SLC30A1: variants seen among roughly 807,000 people sequenced by gnomAD.
The protein encoded by SLC30A1 is proton-coupled zinc antiporter SLC30A1.
SLC30A1 carries 7 observed loss-of-function variants against 29.8 expected under a neutral mutation model. That is an observed-to-expected ratio of 0.23 (90% CI 0.13 to 0.44). The LOEUF is 0.44. Among genes scored for constraint, SLC30A1 ranks in the 20% least tolerant of loss-of-function variants. SLC30A1 has a pLI of 1.00. For missense variants in SLC30A1, 446 were observed against 647.9 expected, an observed-to-expected ratio of 0.69 and a Z score of 3.38; for synonymous variants, 254 against 253.5, an observed-to-expected ratio of 1.00 and a Z score of -0.02.
At position 211,577,879 on chromosome 1, in the gene SLC30A1, G is replaced by T; in HGVS notation, c.622+112C>A. ...GGGAGGGAGCAGGCAGGGGCGGCGC[G>T]GCGCAGGCCCGCTCGGGCAGCAGGG... On this transcript the variant is annotated intron_variant, in intron 1 of 1. Coordinates refer to ENST00000367001, the MANE Select transcript of SLC30A1 (RefSeq NM_021194.3). This position sits in a 1 kb window ranked among gnomAD's most constrained non-coding sequence, Gnocchi z 4.5. 5 of 1,400,636 alleles carry T rather than the reference G, an allele frequency of 3.6e-6. No homozygotes were observed. Among genetic ancestry groups the T allele is most frequent in the South Asian group, 1.4e-5 (1 of 71,614 alleles). 86.8% of individuals were successfully genotyped at this position (1,400,636 alleles called of 1,614,324 possible). A position where few individuals can be genotyped will look rare whatever the true frequency, so the allele number is the denominator to read the frequency against.
In SLC30A1 at chr1:211,578,167, G is replaced by C. The variant is rs115000786; in HGVS notation, c.446C>G (p.Ser149Trp). The change falls in exon 1 of 2, where the codon TCG becomes TGG. Residue 149 changes from serine (S) to tryptophan (W), a missense_variant. By Grantham distance (177) the Ser-to-Trp change is radical (BLOSUM62 -3). Around this residue, in one of 5 missense-constraint regions of SLC30A1, gnomAD observed 159 missense variants for 161.1 expected, o/e 0.99. Coordinates refer to ENST00000367001, the MANE Select transcript of SLC30A1 (RefSeq NM_021194.3). ...GFSQDSGHGH[S>W]HGGHGHGHGL... ...GTGGCCGTGGCCGTGACCCCCGTGC[G>C]AGTGGCCGTGGCCGGAGTCCTGGCT... The C allele has an allele frequency of 6.2e-7, 1 of 1,608,358 alleles. No individual in the cohort carries two copies. Among genetic ancestry groups the C allele is most frequent in the African/African-American group, 1.3e-5 (1 of 74,958 alleles).
chr1:211,578,791 C>G lies in SLC30A1; in HGVS notation c.-179G>C, dbSNP rs2102407182. The stretch of plus-strand genomic sequence containing the variant: ...AAGCCCGGGTCAAGCCGCCGAGCCC[C>G]GCGCCTGTGGGCGTTCTCCGCCAGC... On this transcript the variant is annotated 5_prime_UTR_variant, in exon 1 of 2. Coordinates refer to ENST00000367001, the MANE Select transcript of SLC30A1 (RefSeq NM_021194.3). 2.2e-6 allele frequency: 1 copy of G among 459,004 alleles called. No homozygotes were observed. Among genetic ancestry groups the G allele is most frequent in the East Asian group, 3.9e-5 (1 of 25,712 alleles). 28.4% of individuals were successfully genotyped at this position (459,004 alleles called of 1,614,324 possible). A position where few individuals can be genotyped will look rare whatever the true frequency, so the allele number is the denominator to read the frequency against.
Position 211,576,006 on chromosome 1 carries a change from A to G in SLC30A1, c.906T>C (p.His302=). Residue 302 remains histidine, a synonymous_variant, in exon 2 of 2, where the codon CAT becomes CAC. Transcript: ENST00000367001. ...AAGGACCAGCCTCATAAACTGATGC[A>G]TGAGTACTATTAATTATTTCTACAA... is the stretch of plus-strand genomic sequence containing the variant. ...KAFVEIINST[H]ASVYEAGPCW... is the part of the protein sequence containing the mutation. 1 of 1,613,710 alleles carries G rather than the reference A, an allele frequency of 6.2e-7. No homozygotes were observed. The highest frequency in any genetic ancestry group is 8.5e-7 in the Non-Finnish European group (1 of 1,179,880).
At position 211,576,080 on chromosome 1, in the gene SLC30A1, C is replaced by G. The variant is rs779393034; in HGVS notation, c.832G>C (p.Glu278Gln). 3.1e-6 allele frequency: 5 copies of G among 1,613,128 alleles called. No individual in the cohort carries two copies. Among genetic ancestry groups the G allele is most frequent in the Admixed American group, 3.3e-5 (2 of 59,860 alleles). Residue 278 changes from glutamate to glutamine, a missense_variant, in exon 2 of 2, where the codon GAA (glutamate) becomes CAA (glutamine). By Grantham distance (29) the Glu-to-Gln change is conservative. Coordinates refer to ENST00000367001, the MANE Select transcript of SLC30A1 (RefSeq NM_021194.3). ...CATGGATTCACACAAAAATCCCCTT[C>G]AGAACAACCTTTCCAAGAAAAGTAA... ...VFYFSWKGCS[E>Q]GDFCVNPCFP...
Position 211,578,566 on chromosome 1 carries a change from G to A in SLC30A1, c.47C>T (p.Ala16Val). The A allele has an allele frequency of 6.2e-7, 1 of 1,608,388 alleles. No homozygotes were observed. Among genetic ancestry groups the A allele is most frequent in the South Asian group, 1.1e-5 (1 of 90,900 alleles). The change falls in exon 1 of 2, where the codon GCG becomes GTG. Residue 16 changes from alanine to valine, a missense_variant. Ala to Val is a moderately conservative substitution (Grantham distance 64). Transcript: ENST00000367001. ...RNRGRLLCML[A>V]LTFMFMVLEV... The stretch of plus-strand genomic sequence containing the variant: ...CAGCACCATGAACATGAAGGTCAGC[G>A]CCAGCATGCACAGCAGCCGGCCCCG...
intron 1 of SLC30A1, 110 bp from the exon 2 acceptor site, chr1:211,576,399 C>A: frequency 2.9e-6 from 2 of 679,916 alleles, no homozygotes; most frequent in South Asian, 2.3e-5. Flanking sequence ...TCAGAAAGTA[C>A]AATTAAAAAA....
In SLC30A1 at chr1:211,574,582, G is replaced by A. The variant is rs1706696587; in HGVS notation, c.*806C>T. The A allele has an allele frequency of 6.6e-6, 1 of 152,100 alleles. No homozygotes were observed. Among genetic ancestry groups the A allele is most frequent in the African/African-American group, 2.4e-5 (1 of 41,432 alleles). 9.4% of individuals were successfully genotyped at this position (152,100 alleles called of 1,614,324 possible). Reference sequence around the variant, plus strand: ...TATATATTTTGTAAATAAACTTGCAGCTCAATGTTTTTATACCAATCTTTC... The same window carrying A: ...TATATATTTTGTAAATAAACTTGCAACTCAATGTTTTTATACCAATCTTTC... On this transcript the variant is annotated 3_prime_UTR_variant, in exon 2 of 2. Coordinates refer to ENST00000367001, the MANE Select transcript of SLC30A1 (RefSeq NM_021194.3).
Position 211,572,963 on chromosome 1 carries a change from T to C in SLC30A1, c.*2425A>G, listed in dbSNP as rs145823053. On this transcript the variant is annotated 3_prime_UTR_variant, in exon 2 of 2. Coordinates refer to ENST00000367001, the MANE Select transcript of SLC30A1 (RefSeq NM_021194.3). Reference sequence around the variant, plus strand: ...CTAAAACTGATGCAGTGTTATAAAATAGCATATTTAAATATTGGGTTTAAG... The same window carrying C: ...CTAAAACTGATGCAGTGTTATAAAACAGCATATTTAAATATTGGGTTTAAG... 1 of 152,242 alleles carries C rather than the reference T, an allele frequency of 6.6e-6. No homozygotes were observed. Among genetic ancestry groups the C allele is most frequent in the East Asian group, 1.9e-4 (1 of 5,190 alleles). The allele number at this position is 152,242 out of a possible 1,614,324, so 9.4% of individuals were successfully genotyped here. A position where few individuals can be genotyped will look rare whatever the true frequency, so the allele number is the denominator to read the frequency against.
At position 211,577,896 on chromosome 1, in the gene SLC30A1, G is replaced by A; in HGVS notation, c.622+95C>T. The A allele has an allele frequency of 6.6e-7, 1 of 1,520,504 alleles. No homozygotes were observed. The highest frequency in any genetic ancestry group is 8.9e-7 in the Non-Finnish European group (1 of 1,127,580). 94.2% of individuals were successfully genotyped at this position (1,520,504 alleles called of 1,614,324 possible). On this transcript the variant is annotated intron_variant, in intron 1 of 1. Transcript: ENST00000367001. This position sits in a 1 kb window ranked among gnomAD's most constrained non-coding sequence, Gnocchi z 4.5. ...GGCGGCGCGGCGCAGGCCCGCTCGG[G>A]CAGCAGGGGGCGTGCGGGCCACCCC... is the stretch of plus-strand genomic sequence containing the variant.
At position 211,572,654 on chromosome 1, in the gene SLC30A1, A is replaced by G. The variant is rs1308570854; in HGVS notation, c.*2734T>C. 2 of 152,126 alleles carry G rather than the reference A, an allele frequency of 1.3e-5. No individual in the cohort carries two copies. Among genetic ancestry groups the G allele is most frequent in the African/African-American group, 2.4e-5 (1 of 41,462 alleles). The allele number at this position is 152,126 out of a possible 1,614,324, so 9.4% of individuals were successfully genotyped here. ...TTCTCTAAAATGTTAAAACACATACAGCAAAGTTTTTGAGGATTCTGTTTT... is the reference window on the plus strand; with the variant it reads ...TTCTCTAAAATGTTAAAACACATACGGCAAAGTTTTTGAGGATTCTGTTTT... On this transcript the variant is annotated 3_prime_UTR_variant, in exon 2 of 2. Coordinates refer to ENST00000367001, the MANE Select transcript of SLC30A1 (RefSeq NM_021194.3).
Position 211,575,727 on chromosome 1 carries a change from T to C in SLC30A1, c.1185A>G (p.Ser395=). ...TAHIKCEDPT[S]YMEVAKTIKD... is the part of the protein sequence containing the mutation. The stretch of plus-strand genomic sequence containing the variant: ...TAATGGTTTTAGCCACCTCCATGTA[T>C]GATGTTGGATCTTCACATTTTATGT... The change falls in exon 2 of 2, where the codon TCA becomes TCG. Residue 395 remains serine, a synonymous_variant. Coordinates refer to ENST00000367001, the MANE Select transcript of SLC30A1 (RefSeq NM_021194.3). This position sits in a 1 kb window ranked among gnomAD's most constrained non-coding sequence, Gnocchi z 6.0. The C allele has an allele frequency of 1.2e-6, 2 of 1,614,172 alleles. No homozygotes were observed. Among genetic ancestry groups the C allele is most frequent in the Admixed American group, 3.3e-5 (2 of 60,026 alleles).
intron 1 of SLC30A1, 111 bp from the exon 2 acceptor site, chr1:211,576,400 A>C: frequency 1.5e-6 from 1 of 666,414 alleles, no homozygotes; most frequent in Non-Finnish European, 2.4e-6. Flanking sequence ...CAGAAAGTAC[A>C]ATTAAAAAAA....
intron 1 of SLC30A1, 150 bp from the exon 2 acceptor site, chr1:211,576,439 A>G: frequency 1.7e-6 from 1 of 578,898 alleles, no homozygotes; most frequent in Non-Finnish European, 3.0e-6. Context: ...ATATAAATTG[A>G]CATTCTGGGA....
chr1:211,577,619 T>A lies in SLC30A1; in HGVS notation c.622+372A>T, dbSNP rs1345515840. 6.6e-6 allele frequency among the ~76,000 whole-genome samples: 1 copy of A among 152,182 alleles called. No individual in the cohort carries two copies. Reference sequence around the variant, plus strand: ...GCCAAGGAATTGAATTGGGAAGCATTTCTGACGCTGTTATAACCATAACCA... The same window carrying A: ...GCCAAGGAATTGAATTGGGAAGCATATCTGACGCTGTTATAACCATAACCA... On this transcript the variant is annotated intron_variant, in intron 1 of 1. Coordinates refer to ENST00000367001, the MANE Select transcript of SLC30A1 (RefSeq NM_021194.3). This position sits in a 1 kb window ranked among gnomAD's most constrained non-coding sequence, Gnocchi z 4.5.
Position 211,578,517 on chromosome 1 carries a change from G to T in SLC30A1, c.96C>A (p.Thr32=). 1 of 1,611,532 alleles carries T rather than the reference G, an allele frequency of 6.2e-7. No individual in the cohort carries two copies. Among genetic ancestry groups the T allele is most frequent in the Non-Finnish European group, 8.5e-7 (1 of 1,179,194 alleles). Residue 32 remains threonine (T), a synonymous_variant, in exon 1 of 2, where the codon ACC becomes ACA. Coordinates refer to ENST00000367001, the MANE Select transcript of SLC30A1 (RefSeq NM_021194.3). ...MVLEVVVSRV[T]SSLAMLSDSF... is the part of the protein sequence containing the mutation. ...AGTCGGAGAGCATCGCCAGCGACGA[G>T]GTCACCCGGCTCACCACCACCTCCA... is the stretch of plus-strand genomic sequence containing the variant.
rs973582817 is a variant in SLC30A1 at position 211,578,897 on chromosome 1, C to T, written c.-285G>A. Among the ~76,000 whole-genome samples the T allele has an allele frequency of 1.2e-4, 18 of 152,104 alleles. No individual in the cohort carries two copies. The highest frequency in any genetic ancestry group is 2.2e-4 in the Non-Finnish European group (15 of 67,988). On this transcript the variant is annotated 5_prime_UTR_variant, in exon 1 of 2. An upstream open reading frame in the 5' UTR gains an earlier in-frame stop. Coordinates refer to ENST00000367001, the MANE Select transcript of SLC30A1 (RefSeq NM_021194.3). ...GGCCCGGCTCAGCCTCAGCAGCCCCCACACCCAGGCGGCGGCGGTGGCGGG... is the reference window on the plus strand; with the variant it reads ...GGCCCGGCTCAGCCTCAGCAGCCCCTACACCCAGGCGGCGGCGGTGGCGGG...
chr1:211,575,737 T>G lies in SLC30A1; in HGVS notation c.1175A>C (p.Asp392Ala). 6.2e-7 allele frequency: 1 copy of G among 1,614,182 alleles called. No individual in the cohort carries two copies. The highest frequency in any genetic ancestry group is 1.3e-5 in the African/African-American group (1 of 75,080). Residue 392 changes from aspartate to alanine, a missense_variant, in exon 2 of 2, where the codon GAT becomes GCT. Physicochemically the swap from Asp to Ala is moderately radical, Grantham distance 126. Coordinates refer to ENST00000367001, the MANE Select transcript of SLC30A1 (RefSeq NM_021194.3). This position sits in a 1 kb window ranked among gnomAD's most constrained non-coding sequence, Gnocchi z 6.0. ...IIATAHIKCE[D>A]PTSYMEVAKT... ...AGCCACCTCCATGTATGATGTTGGA[T>G]CTTCACATTTTATGTGAGCAGTGGC...
rs1407573584 is a variant in SLC30A1 at position 211,575,359 on chromosome 1, A to C, written c.*29T>G. On this transcript the variant is annotated 3_prime_UTR_variant, in exon 2 of 2. Transcript: ENST00000367001. This position sits in a 1 kb window ranked among gnomAD's most constrained non-coding sequence, Gnocchi z 6.0. ...CTTTTTCCTCTTGCAGTTTAAAGCA[A>C]AAGTCAAATATCACATCTTTTTCAA... 1.3e-6 allele frequency: 2 copies of C among 1,535,694 alleles called. No individual in the cohort carries two copies.
Position 211,578,619 on chromosome 1 carries a change from G to A in SLC30A1, c.-7C>T, listed in dbSNP as rs747180354. 3.2e-6 allele frequency: 5 copies of A among 1,549,200 alleles called. No individual in the cohort carries two copies. The South Asian group carries it at 5.8e-5, about 18-fold the overall frequency. On this transcript the variant is annotated 5_prime_UTR_variant, in exon 1 of 2. Transcript: ENST00000367001. Reference sequence around the variant, plus strand: ...TCCGACCCCAACACCCCATGGCTGCGGCTGCGGGGCCCGCCGAGCCCGGCC... The same window carrying A: ...TCCGACCCCAACACCCCATGGCTGCAGCTGCGGGGCCCGCCGAGCCCGGCC...
Sources: allele counts gnomAD v4.1 joint callset (sites outside exome capture counted in the v4.1 genomes callset), GRCh38; gene constraint gnomAD v4.1.1; regional missense constraint gnomAD v4.1.1; non-coding constraint Gnocchi (gnomAD v3.1); transcripts MANE v1.5; gene names NCBI Gene and HGNC (gene_info 2026-07-23, HGNC 2026-07-21).